STK33: variants seen among roughly 807,000 people sequenced by gnomAD.
STK33 encodes serine/threonine-protein kinase 33.
In STK33, 52 loss-of-function variants were observed where a neutral mutation model predicts 58.0. The ratio of observed to expected loss-of-function variants is 0.90; its 90% CI spans 0.72 to 1.13. STK33 has a LOEUF of 1.13. Among genes scored for constraint, STK33 ranks in the 50% most tolerant of loss-of-function variants. The pLI, the probability that STK33 is intolerant of heterozygous loss-of-function variation, is 0.00. For missense variants in STK33, 630 were observed against 604.2 expected, an observed-to-expected ratio of 1.04 and a Z score of -0.45; for synonymous variants, 215 against 200.1, an observed-to-expected ratio of 1.07 and a Z score of -0.63.
Position 8,442,335 on chromosome 11 carries a change from G to C in STK33, c.872-1582C>G, listed in dbSNP as rs199617930. Among the ~76,000 whole-genome samples the C allele has an allele frequency of 1.2e-4, 18 of 152,256 alleles. No homozygotes were observed. The East Asian group carries it at 3.5e-3, about 29-fold the overall frequency. On this transcript the variant is annotated intron_variant, in intron 11 of 15. Coordinates refer to ENST00000687296, the MANE Select transcript of STK33 (RefSeq NM_001352389.2). ...AGTTGCTCTATGGCCACATGTCTAT[G>C]ACAAGGGCAAATTCTGTGACTAGAT...
chr11:8,452,672 T>C (rs1946421343), intron 11 of STK33, 150 bp downstream of exon 11: 2 of 643,170 alleles, frequency 3.1e-6, no homozygotes, highest in Non-Finnish European at 5.5e-6. Flanking sequence ...CCTGTGGTCC[T>C]AGCTACTTGA....
At chr11:8,482,282 T>C (rs928898824) in intron 1 of STK33, among the ~76,000 whole-genome samples, 15 of 152,090 alleles carry the variant, frequency 9.9e-5, no homozygotes, top group Non-Finnish European at 1.9e-4. Context: ...AACTACCCAA[T>C]AAGAAAAGGC....
intron 14 of STK33, among the ~76,000 whole-genome samples, chr11:8,417,508 T>A (rs964626469): frequency 2.0e-5 from 3 of 152,064 alleles, no homozygotes. Flanking sequence ...CTCTTTAAAA[T>A]AAATGAATGA....
chr11:8,520,906 A>G (rs1268143786), intron 1 of STK33, among the ~76,000 whole-genome samples: 1 of 152,128 alleles, frequency 6.6e-6, no homozygotes. Flanking sequence ...TATTGTGAAA[A>G]AGGCCATACT....
At chr11:8,387,762 C>A (rs74543098), downstream of STK33, among the ~76,000 whole-genome samples, 9,015 of 152,010 alleles carry the variant, frequency 0.059, 452 homozygotes, top group East Asian at 0.26. Context: ...TCCTCAGGGT[C>A]CAGTGAGGGG....
At chr11:8,427,110 G>C (rs1452156149) in intron 14 of STK33, among the ~76,000 whole-genome samples, 3 of 151,878 alleles carry the variant, frequency 2.0e-5, no homozygotes. Context: ...GCATCTCCTG[G>C]ATTTGTTTTT....
intron 14 of STK33, among the ~76,000 whole-genome samples, chr11:8,431,790 T>C (rs1436895306): frequency 2.0e-5 from 3 of 152,204 alleles, no homozygotes; most frequent in African/African-American, 7.2e-5. Flanking sequence ...CTGGTTCAAG[T>C]CCACTCACGA....
chr11:8,485,867 T>C (rs1950161543), intron 1 of STK33, among the ~76,000 whole-genome samples: 1 of 152,242 alleles, frequency 6.6e-6, no homozygotes, highest in Admixed American at 6.5e-5. Flanking sequence ...AATAGCTTTA[T>C]GTTCTAAATA....
chr11:8,371,662 C>T, the STK33 span, among the ~76,000 whole-genome samples: 54 of 147,112 alleles, frequency 3.7e-4, 1 homozygote, highest in Middle Eastern at 0.028. Flanking sequence ...TCTTTTCTTT[C>T]TTTCCTTTCT....
intron 1 of STK33, among the ~76,000 whole-genome samples, chr11:8,497,494 G>C (rs1951154707): frequency 6.6e-6 from 1 of 152,188 alleles, no homozygotes; most frequent in African/African-American, 2.4e-5. Context: ...TCTTGAGACA[G>C]GGTCTCACTA....
At chr11:8,376,833 C>T in the STK33 span, among the ~76,000 whole-genome samples, 1 of 152,130 alleles carries the variant, frequency 6.6e-6, no homozygotes, top group Admixed American at 6.5e-5. Flanking sequence ...AGCCACCATG[C>T]CCGGCCGATT....
At chr11:8,573,832 C>T (rs1241582679) in intron 1 of STK33, among the ~76,000 whole-genome samples, 1 of 152,158 alleles carries the variant, frequency 6.6e-6, no homozygotes, top group East Asian at 1.9e-4. Context: ...AGGTTACATA[C>T]TGTATGATTC....
rs142201667 is a variant in STK33 at position 8,511,317 on chromosome 11, G to T, written c.-465-30703C>A. On this transcript the variant is annotated intron_variant, in intron 1 of 15. Transcript: ENST00000687296. ...ATTGTTGGTGTATAGCAGTCCTACT[G>T]ATTTGTGTACATTGATTTTGTATCC... is the stretch of plus-strand genomic sequence containing the variant. Among the ~76,000 whole-genome samples the T allele has an allele frequency of 4.1e-3, 622 of 152,256 alleles. 5 individuals carry two copies. The highest frequency in any genetic ancestry group is 0.014 in the African/African-American group (593 of 41,560).
chr11:8,360,748 C>T, the STK33 span, among the ~76,000 whole-genome samples: 2 of 152,350 alleles, frequency 1.3e-5, no homozygotes, highest in Admixed American at 6.5e-5. Flanking sequence ...TTCTGGAGGC[C>T]GCCTGCATTC....
chr11:8,539,944 T>C (rs1053294092), intron 1 of STK33, among the ~76,000 whole-genome samples: 33 of 152,114 alleles, frequency 2.2e-4, no homozygotes, highest in African/African-American at 8.0e-4. Flanking sequence ...CTGAAATCCT[T>C]AGCGCACTGT....
At chr11:8,408,190 A>G (rs940824929) in intron 15 of STK33, among the ~76,000 whole-genome samples, 2 of 152,218 alleles carry the variant, frequency 1.3e-5, no homozygotes, top group Non-Finnish European at 2.9e-5. Context: ...CACTTATAGC[A>G]TAAAGGTAGG....
intron 1 of STK33, among the ~76,000 whole-genome samples, chr11:8,521,580 AC>A (rs1382086740): frequency 7.2e-5 from 11 of 152,300 alleles, no homozygotes; most frequent in African/African-American, 2.6e-4. Flanking sequence ...AGACTTCATG[AC>A]TAAGACACCA....
At position 8,438,610 on chromosome 11, in the gene STK33, C is replaced by T. The variant is rs369850533; in HGVS notation, c.947+2068G>A. ...ATTATTATGGTGATATGCAGTCACA[C>T]TCTGAAGCAGAAAAATTAAAATTAT... On this transcript the variant is annotated intron_variant, in intron 12 of 15. Coordinates refer to ENST00000687296, the MANE Select transcript of STK33 (RefSeq NM_001352389.2). 1.6e-3 allele frequency among the ~76,000 whole-genome samples: 244 copies of T among 152,226 alleles called. 2 individuals are homozygous for T. Among genetic ancestry groups the T allele is most frequent in the African/African-American group, 5.7e-3 (238 of 41,536 alleles).
chr11:8,460,392 A>T (rs1337827246), intron 8 of STK33, among the ~76,000 whole-genome samples: 5 of 152,092 alleles, frequency 3.3e-5, no homozygotes, highest in African/African-American at 4.8e-5. Flanking sequence ...ATATATATAT[A>T]TTTTAAAACC....
Sources: allele counts gnomAD v4.1 joint callset (sites outside exome capture counted in the v4.1 genomes callset), GRCh38; gene constraint gnomAD v4.1.1; transcripts MANE v1.5; gene names NCBI Gene and HGNC (gene_info 2026-07-23, HGNC 2026-07-21).